The following HDDC2 variants were observed in gnomAD, a reference collection of about 807,000 sequenced individuals.
The protein encoded by HDDC2 is HD domain containing 2.
Under a neutral mutation model 25.5 loss-of-function variants are expected in HDDC2, and 25 were observed. The ratio of observed to expected loss-of-function variants is 0.98; its 90% CI spans 0.72 to 1.37. The LOEUF (loss-of-function observed/expected upper bound fraction) is 1.37, where lower values mean the gene tolerates loss of function less well. Ranked by LOEUF, HDDC2 falls within the 40% of genes most tolerant of loss-of-function variation. The pLI is 0.00. For synonymous variants in HDDC2, 106 were observed against 89.7 expected, an observed-to-expected ratio of 1.18 and a Z score of -1.03; for missense variants, 264 against 253.1, an observed-to-expected ratio of 1.04 and a Z score of -0.29.
At chr6:125,292,672 T>C (rs150850796) in intron 4 of HDDC2, among the ~76,000 whole-genome samples, 169 bp downstream of exon 4, 1,638 of 152,224 alleles carry the variant, frequency 0.011, 20 homozygotes, top group Non-Finnish European at 0.018. Flanking sequence ...ACAAAATTTC[T>C]ATCCATCAGG....
At chr6:125,282,474 C>A (rs1798473436) in intron 4 of HDDC2, among the ~76,000 whole-genome samples, 1 of 152,142 alleles carries the variant, frequency 6.6e-6, no homozygotes, top group African/African-American at 2.4e-5. Flanking sequence ...CTGAGGAATT[C>A]TGTCACCACC....
In HDDC2 at chr6:125,298,702, G is replaced by A. The variant is rs1798745879; in HGVS notation, c.309+12C>T. 1 of 1,605,494 alleles carries A rather than the reference G, an allele frequency of 6.2e-7. No homozygotes were observed. Among genetic ancestry groups the A allele is most frequent in the Admixed American group, 1.7e-5 (1 of 60,010 alleles). On this transcript the variant is annotated intron_variant, in intron 3 of 5. Transcript: ENST00000398153. ...CTGGTGGTTTTTTGCACAGTCAATA[G>A]TCAACACTGACCTCTTCTCGCCTAT...
At position 125,275,905 on chromosome 6, in the gene HDDC2, A is replaced by G. The variant is rs550949787; in HGVS notation, c.*241T>C. 8 of 467,422 alleles carry G rather than the reference A, an allele frequency of 1.7e-5. No homozygotes were observed. The South Asian group carries it at 3.3e-4, about 20-fold the overall frequency. The allele number at this position is 467,422 out of a possible 1,614,324, so 29.0% of individuals were successfully genotyped here. A position where few individuals can be genotyped will look rare whatever the true frequency, so the allele number is the denominator to read the frequency against. ...TATTTTAGGTGTTTAATATTTATTT[A>G]TTTAGTTCATAAACAGGCACTGCCA... On this transcript the variant is annotated 3_prime_UTR_variant, in exon 6 of 6. Coordinates refer to ENST00000398153, the MANE Select transcript of HDDC2 (RefSeq NM_016063.3).
chr6:125,276,865 C>G, intron 5 of HDDC2: 1 of 516,652 alleles, frequency 1.9e-6, no homozygotes, highest in Non-Finnish European at 3.4e-6. Context: ...TCTTCTCTCA[C>G]CGTCTTTTCT....
intron 4 of HDDC2, among the ~76,000 whole-genome samples, chr6:125,288,491 T>C (rs1273650575): frequency 9.2e-5 from 14 of 152,132 alleles, no homozygotes; most frequent in Non-Finnish European, 2.1e-4. Context: ...CCAAGCAGGA[T>C]GGAGATTCAA....
chr6:125,276,611 G>A lies in HDDC2; in HGVS notation c.518-368C>T, dbSNP rs902250001. The A allele has an allele frequency of 1.1e-5, 3 of 272,138 alleles. No individual in the cohort carries two copies. In the South Asian group the frequency reaches 2.1e-4, roughly 19 times the overall value. 16.9% of individuals were successfully genotyped at this position (272,138 alleles called of 1,614,324 possible). On this transcript the variant is annotated intron_variant, in intron 5 of 5. Coordinates refer to ENST00000398153, the MANE Select transcript of HDDC2 (RefSeq NM_016063.3). Reference sequence around the variant, plus strand: ...CTGCCCATTCCAAACCTGCAATTAAGTAAGGAGAATGAAGCACCTATATAT... The same window carrying A: ...CTGCCCATTCCAAACCTGCAATTAAATAAGGAGAATGAAGCACCTATATAT...
intron 4 of HDDC2, among the ~76,000 whole-genome samples, chr6:125,283,634 G>A (rs1329436686): frequency 6.6e-6 from 1 of 152,144 alleles, no homozygotes. Context: ...TCTTCAAGGA[G>A]AACTACAAAC....
Position 125,277,196 on chromosome 6 carries a change from C to A in HDDC2, c.423G>T (p.Gln141His), listed in dbSNP as rs776665742. 6.2e-7 allele frequency: 1 copy of A among 1,614,116 alleles called. No individual in the cohort carries two copies. The highest frequency in any genetic ancestry group is 8.5e-7 in the Non-Finnish European group (1 of 1,179,988). Residue 141 changes from glutamine (Q) to histidine (H), a missense_variant, in exon 5 of 6, where the codon CAG becomes CAT. Transcript: ENST00000398153. ...QSSAEAKFVK[Q>H]LDQCEMILQA... ...GAAGAATCATTTCACATTGGTCTAG[C>A]TGCTTCACAAATTTGGCTTCTGCAC...
chr6:125,294,048 T>C (rs1462864287), intron 3 of HDDC2, among the ~76,000 whole-genome samples: 3 of 152,226 alleles, frequency 2.0e-5, no homozygotes, highest in Non-Finnish European at 4.4e-5. Context: ...TCCAGTATCC[T>C]TCCTTTATTT....
rs535130882 is a variant in HDDC2 at position 125,287,637 on chromosome 6, G to A, written c.378+5204C>T. ...GGGGCTTCGGAGGAAGGTTTTTCAG[G>A]AGAATGTATGGAGCAATCAGCACAT... On this transcript the variant is annotated intron_variant, in intron 4 of 5. Transcript: ENST00000398153. Among the ~76,000 whole-genome samples the A allele has an allele frequency of 5.9e-5, 9 of 152,306 alleles. No individual in the cohort carries two copies. In the East Asian group the frequency reaches 1.3e-3, roughly 23 times the overall value.
At chr6:125,298,474 A>G (rs961084623) in intron 3 of HDDC2, among the ~76,000 whole-genome samples, 1 of 152,174 alleles carries the variant, frequency 6.6e-6, no homozygotes, top group African/African-American at 2.4e-5. Flanking sequence ...ATCTAAATCT[A>G]TTATATCCTA....
intron 3 of HDDC2, among the ~76,000 whole-genome samples, chr6:125,295,207 T>C (rs573349455): frequency 3.3e-5 from 5 of 152,312 alleles, no homozygotes; most frequent in African/African-American, 1.2e-4. Context: ...TGTTGTTCAG[T>C]CATAGATTTA....
At chr6:125,284,470 A>G (rs1389216799) in intron 4 of HDDC2, among the ~76,000 whole-genome samples, 2 of 152,240 alleles carry the variant, frequency 1.3e-5, no homozygotes, top group Non-Finnish European at 2.9e-5. Flanking sequence ...TTTACAAGAA[A>G]AAAACAAATA....
intron 4 of HDDC2, among the ~76,000 whole-genome samples, chr6:125,281,642 G>C (rs1159445301): frequency 6.6e-6 from 1 of 152,120 alleles, no homozygotes; most frequent in African/African-American, 2.4e-5. Flanking sequence ...AATAAAGTGT[G>C]AAGACAAGAT....
At chr6:125,282,540 A>C (rs1798474024) in intron 4 of HDDC2, among the ~76,000 whole-genome samples, 1 of 152,220 alleles carries the variant, frequency 6.6e-6, no homozygotes, top group African/African-American at 2.4e-5. Context: ...AGGAAAAACC[A>C]GTATCAGCCA....
chr6:125,301,442 T>TACACACACACACACATAC (rs1554222369), intron 1 of HDDC2, among the ~76,000 whole-genome samples: 7 of 145,186 alleles, frequency 4.8e-5, no homozygotes, highest in South Asian at 2.2e-4. Context: ...AGCCGCGCTT[T>TACACACACACACACATAC]ACACACACAC....
chr6:125,276,349 C>A, intron 5 of HDDC2, 106 bp from the exon 6 acceptor site: 1 of 776,878 alleles, frequency 1.3e-6, no homozygotes, highest in Non-Finnish European at 2.2e-6. Context: ...AGTCTACGAT[C>A]TGACCCACAC....
chr6:125,298,752 C>G lies in HDDC2; in HGVS notation c.271G>C (p.Asp91His). Residue 91 changes from aspartate (D) to histidine (H), a missense_variant, in exon 3 of 6, where the codon GAT (aspartate) becomes CAT (histidine). Transcript: ENST00000398153. ...ECIVGDIAPA[D>H]NIPKEEKHRR... Reference sequence around the variant, plus strand: ...TGTTTTTCTTCTTTGGGGATGTTATCTGCTGGTGCTATGTCCCCAACGATG... The same window carrying G: ...TGTTTTTCTTCTTTGGGGATGTTATGTGCTGGTGCTATGTCCCCAACGATG... 1.2e-6 allele frequency: 2 copies of G among 1,614,170 alleles called. No homozygotes were observed. The highest frequency in any genetic ancestry group is 8.5e-7 in the Non-Finnish European group (1 of 1,180,022).
intron 1 of HDDC2, among the ~76,000 whole-genome samples, chr6:125,301,442 T>C (rs1239379124): frequency 1.4e-5 from 2 of 145,096 alleles, no homozygotes; most frequent in African/African-American, 5.2e-5. Flanking sequence ...AGCCGCGCTT[T>C]ACACACACAC....
Sources: allele counts gnomAD v4.1 joint callset (sites outside exome capture counted in the v4.1 genomes callset), GRCh38; gene constraint gnomAD v4.1.1; transcripts MANE v1.5; gene names NCBI Gene and HGNC (gene_info 2026-07-23, HGNC 2026-07-21).